Variants in CAMKMT observed in about 807,000 individuals in gnomAD.
The protein encoded by CAMKMT is CaM KMT.
In CAMKMT, 53 loss-of-function variants were observed where a neutral mutation model predicts 48.0. That is an observed-to-expected ratio of 1.10 (90% confidence interval 0.89 to 1.39). CAMKMT has a LOEUF of 1.39. CAMKMT is among the 40% of genes most tolerant of loss of function. The pLI is 0.00. For missense variants in CAMKMT, 428 were observed against 402.7 expected (o/e 1.06, Z -0.54); for synonymous variants, 165 against 152.3 (o/e 1.08, Z -0.61).
At chr2:44,629,554 T>C (rs1296835624) in intron 3 of CAMKMT, among the ~76,000 whole-genome samples, 1 of 151,368 alleles carries the variant, frequency 6.6e-6, no homozygotes, top group African/African-American at 2.4e-5. Context: ...TCCTCCCACC[T>C]TGACCTCCCA....
intron 3 of CAMKMT, among the ~76,000 whole-genome samples, chr2:44,627,394 C>G (rs1672541000): frequency 6.6e-6 from 1 of 152,028 alleles, no homozygotes; most frequent in African/African-American, 2.4e-5. Flanking sequence ...TATTGCTGGA[C>G]TCGTAAAATA....
intron 3 of CAMKMT, among the ~76,000 whole-genome samples, chr2:44,554,547 G>A (rs944457564): frequency 1.3e-5 from 2 of 152,058 alleles, no homozygotes; most frequent in Non-Finnish European, 2.9e-5. Flanking sequence ...ACCAGCCTGG[G>A]CAGCATAGTG....
At chr2:44,458,312 G>T (rs1667680078) in intron 3 of CAMKMT, among the ~76,000 whole-genome samples, 1 of 152,152 alleles carries the variant, frequency 6.6e-6, no homozygotes, top group Non-Finnish European at 1.5e-5. Context: ...CTCCCAGAGT[G>T]CTGGGATAAC....
At chr2:44,634,388 C>T (rs1673005164) in intron 3 of CAMKMT, among the ~76,000 whole-genome samples, 1 of 151,838 alleles carries the variant, frequency 6.6e-6, no homozygotes, top group South Asian at 2.1e-4. Flanking sequence ...GCCTGTTGTC[C>T]AATAGCTGAA....
intron 3 of CAMKMT, among the ~76,000 whole-genome samples, chr2:44,484,947 G>A (rs1669145968): frequency 6.6e-6 from 1 of 152,040 alleles, no homozygotes; most frequent in Non-Finnish European, 1.5e-5. Context: ...ATATCCAAAT[G>A]GCCGATAAAC....
intron 6 of CAMKMT, among the ~76,000 whole-genome samples, chr2:44,712,863 C>T (rs923404052): frequency 6.6e-5 from 10 of 152,114 alleles, no homozygotes; most frequent in East Asian, 1.9e-4. Context: ...AACACAGTGC[C>T]GTCCAGAAGA....
At chr2:44,659,545 C>T (rs1437676099) in intron 3 of CAMKMT, among the ~76,000 whole-genome samples, 7 of 117,002 alleles carry the variant, frequency 6.0e-5, no homozygotes, top group Non-Finnish European at 1.2e-4. Flanking sequence ...GCCTGGGCAA[C>T]ATAGGGAAAC....
chr2:44,389,295 T>C (rs900632643), intron 2 of CAMKMT, among the ~76,000 whole-genome samples: 1 of 152,128 alleles, frequency 6.6e-6, no homozygotes, highest in Admixed American at 6.6e-5. Flanking sequence ...AAATTACCTT[T>C]AAAAGCCCTA....
intron 3 of CAMKMT, among the ~76,000 whole-genome samples, chr2:44,703,553 G>T (rs993511360): frequency 1.3e-5 from 2 of 152,094 alleles, no homozygotes; most frequent in Non-Finnish European, 2.9e-5. Flanking sequence ...GCCGAGGCAG[G>T]CAGATCACGA....
intron 10 of CAMKMT, among the ~76,000 whole-genome samples, chr2:44,768,564 G>C (rs943839021): frequency 1.3e-5 from 2 of 151,918 alleles, no homozygotes; most frequent in African/African-American, 4.8e-5. Flanking sequence ...GGCCACGCTG[G>C]AGGGAGCGGG....
intron 3 of CAMKMT, among the ~76,000 whole-genome samples, chr2:44,497,705 G>GAGAGAGAGAGA (rs1173576279): frequency 3.2e-5 from 4 of 125,024 alleles, no homozygotes; most frequent in African/African-American, 1.2e-4. Flanking sequence ...AAATTAAGCA[G>GAGAGAGAGAGA]GCAAAGAGAG....
At chr2:44,718,343 C>T (rs756012925) in intron 7 of CAMKMT, among the ~76,000 whole-genome samples, 4 of 152,194 alleles carry the variant, frequency 2.6e-5, no homozygotes, top group Admixed American at 6.5e-5. Flanking sequence ...ATCTAAGATC[C>T]ACATATATGA....
chr2:44,545,950 G>A (rs901117953), intron 3 of CAMKMT, among the ~76,000 whole-genome samples: 4 of 151,716 alleles, frequency 2.6e-5, no homozygotes, highest in Non-Finnish European at 2.9e-5. Flanking sequence ...AATATTTTTT[G>A]CCTTCTCTTA....
chr2:44,557,158 G>C (rs1378245673), intron 3 of CAMKMT, among the ~76,000 whole-genome samples: 1 of 152,120 alleles, frequency 6.6e-6, no homozygotes. Flanking sequence ...ATTTGTCAGA[G>C]AAATGTCCAC....
intron 6 of CAMKMT, among the ~76,000 whole-genome samples, chr2:44,707,667 G>C (rs1677639400): frequency 1.3e-5 from 2 of 152,006 alleles, no homozygotes; most frequent in Non-Finnish European, 2.9e-5. Context: ...GATTTTTATA[G>C]ACATCTCTCA....
At chr2:44,420,075 T>C (rs1411573402) in intron 3 of CAMKMT, among the ~76,000 whole-genome samples, 1 of 152,176 alleles carries the variant, frequency 6.6e-6, no homozygotes, top group Non-Finnish European at 1.5e-5. Flanking sequence ...AATTACACAA[T>C]TATTTTAGAT....
At chr2:44,664,356 A>T (rs1393032985) in intron 3 of CAMKMT, among the ~76,000 whole-genome samples, 1 of 152,232 alleles carries the variant, frequency 6.6e-6, no homozygotes, top group African/African-American at 2.4e-5. Flanking sequence ...AACGTTAGAA[A>T]TTTAACAAAT....
At chr2:44,378,677 A>G (rs1344817818) in intron 2 of CAMKMT, among the ~76,000 whole-genome samples, 1 of 152,160 alleles carries the variant, frequency 6.6e-6, no homozygotes, top group Non-Finnish European at 1.5e-5. Context: ...TATTTTTAGT[A>G]GAGACGGGGT....
intron 3 of CAMKMT, among the ~76,000 whole-genome samples, chr2:44,458,984 G>GTT (rs1464207723): frequency 2.6e-5 from 4 of 151,992 alleles, no homozygotes; most frequent in Non-Finnish European, 4.4e-5. Context: ...ACATTCTGAA[G>GTT]TTTTAAGTGA....
Sources: gnomAD v4.1 joint callset for allele counts (sites outside exome capture counted in the v4.1 genomes callset) on GRCh38, gnomAD v4.1.1 for gene constraint, MANE v1.5 for transcripts, NCBI Gene and HGNC (gene_info 2026-07-23, HGNC 2026-07-21) for gene names.